Variants in NEXN observed in about 807,000 individuals in gnomAD.
NEXN encodes nexilin.
A neutral mutation model predicts 92.6 loss-of-function variants in NEXN; 65 were observed. That is an observed-to-expected ratio of 0.70 (90% CI 0.57 to 0.86). The LOEUF (loss-of-function observed/expected upper bound fraction) is 0.86. Ranked by LOEUF, NEXN falls within the 40% of genes least tolerant of loss-of-function variation. The pLI is 0.00. For missense variants in NEXN, 778 were observed against 771.1 expected, an observed-to-expected ratio of 1.01 and a Z score of -0.11; for synonymous variants, 254 against 242.5, an observed-to-expected ratio of 1.05 and a Z score of -0.44.
At chr1:77,936,193 A>AGATC in intron 11 of NEXN, 149 bp downstream of exon 11, 1 of 639,250 alleles carries the variant, frequency 1.6e-6, no homozygotes, top group East Asian at 2.8e-5. Context: ...AAACACATGT[A>AGATC]GATCTTAGAC....
chr1:77,938,447 G>C (rs925729979), intron 11 of NEXN, among the ~76,000 whole-genome samples: 1 of 151,922 alleles, frequency 6.6e-6, no homozygotes, highest in Admixed American at 6.6e-5. Flanking sequence ...TCAAGAGATC[G>C]AGACCATCCT....
chr1:77,919,951 G>T (rs1261776406), intron 5 of NEXN, among the ~76,000 whole-genome samples: 1 of 151,486 alleles, frequency 6.6e-6, no homozygotes, highest in African/African-American at 2.4e-5. Flanking sequence ...CCAGGCTGGA[G>T]TGCAGTGGCA....
At chr1:77,938,510 G>A (rs953309242) in intron 11 of NEXN, among the ~76,000 whole-genome samples, 1 of 151,192 alleles carries the variant, frequency 6.6e-6, no homozygotes, top group Non-Finnish European at 1.5e-5. Context: ...TTAGCTGGGC[G>A]TGGTGGCACG....
At chr1:77,938,794 T>C (rs1486354303) in intron 11 of NEXN, among the ~76,000 whole-genome samples, 1 of 152,032 alleles carries the variant, frequency 6.6e-6, no homozygotes, top group African/African-American at 2.4e-5. Context: ...ACATTCCAGA[T>C]AGAGGAGAAG....
Position 77,935,966 on chromosome 1 carries a change from A to C in NEXN, c.1395A>C (p.Lys465Asn). ...IGQLSEKEIQ[K>N]KIEEERARRR... ...AGTTGTCTGAAAAAGAAATACAGAA[A>C]AAAATAGAAGAAGAGCGAGCAAGAA... Residue 465 changes from lysine to asparagine, a missense_variant, in exon 11 of 13, where the codon AAA becomes AAC. Physicochemically the swap from Lys to Asn is moderately conservative, Grantham distance 94. Around this residue, in one of 3 missense-constraint regions of NEXN, gnomAD observed 532 missense variants for 476.7 expected, o/e 1.12. Transcript: ENST00000334785. 1 of 1,614,064 alleles carries C rather than the reference A, an allele frequency of 6.2e-7. No homozygotes were observed. The highest frequency in any genetic ancestry group is 8.5e-7 in the Non-Finnish European group (1 of 1,179,998).
At chr1:77,909,440 A>T (rs111457616) in intron 1 of NEXN, among the ~76,000 whole-genome samples, 4,804 of 152,192 alleles carry the variant, frequency 0.032, 80 homozygotes, top group Middle Eastern at 0.065. Flanking sequence ...ATAAATAAAT[A>T]AATTAATAAA....
At chr1:77,899,221 C>T (rs373367355) in intron 1 of NEXN, among the ~76,000 whole-genome samples, 82 of 151,658 alleles carry the variant, frequency 5.4e-4, no homozygotes, top group African/African-American at 1.5e-3. Context: ...ATGTTTATTG[C>T]GACACTATTC....
At position 77,926,840 on chromosome 1, in the gene NEXN, G is replaced by A; in HGVS notation, c.812G>A (p.Arg271Lys). The change falls in exon 8 of 13, where the codon AGA (arginine) becomes AAA (lysine). Residue 271 changes from arginine to lysine, a missense_variant. By Grantham distance (26) the Arg-to-Lys change is conservative. Around this residue, in one of 3 missense-constraint regions of NEXN, gnomAD observed 532 missense variants for 476.7 expected, o/e 1.12. Transcript: ENST00000334785. ...AAGAAGCAAGCTGAAGAGGAAGCAA[G>A]AAAACGTTTAGAAGAAGAGAAGCGT... Reference protein sequence around the residue: ...NRKKQAEEEARKRLEEEKRAF... With the variant: ...NRKKQAEEEAKKRLEEEKRAF... 1 of 1,613,970 alleles carries A rather than the reference G, an allele frequency of 6.2e-7. No homozygotes were observed. Among genetic ancestry groups the A allele is most frequent in the Non-Finnish European group, 8.5e-7 (1 of 1,179,980 alleles).
Position 77,926,559 on chromosome 1 carries a change from A to T in NEXN, c.635A>T (p.Tyr212Phe). Residue 212 changes from tyrosine (Y) to phenylalanine (F), a missense_variant, in exon 7 of 13, where the codon TAT (tyrosine) becomes TTT (phenylalanine). Coordinates refer to ENST00000334785, the MANE Select transcript of NEXN (RefSeq NM_144573.4). Reference protein sequence around the residue: ...IKYEEDKRIRYEEQRPSLKEA... With the variant: ...IKYEEDKRIRFEEQRPSLKEA... ...TACGAGGAAGATAAAAGAATAAGAT[A>T]TGAAGAACAACGACCATCTCTCAAG... 1 of 1,613,922 alleles carries T rather than the reference A, an allele frequency of 6.2e-7. No individual in the cohort carries two copies. Among genetic ancestry groups the T allele is most frequent in the African/African-American group, 1.3e-5 (1 of 75,050 alleles).
intron 1 of NEXN, among the ~76,000 whole-genome samples, chr1:77,902,336 G>T (rs1446823471): frequency 6.6e-6 from 1 of 151,942 alleles, no homozygotes; most frequent in Non-Finnish European, 1.5e-5. Context: ...AATTTTATTT[G>T]TACATGTAAC....
At chr1:77,934,134 C>T (rs533900375) in intron 10 of NEXN, among the ~76,000 whole-genome samples, 5 of 151,328 alleles carry the variant, frequency 3.3e-5, no homozygotes, top group African/African-American at 1.2e-4. Context: ...CTCAGCCTCC[C>T]GAGTAACTGG....
intron 12 of NEXN, 82 bp downstream of exon 12, chr1:77,942,290 G>A: frequency 6.8e-7 from 1 of 1,464,370 alleles, no homozygotes. Flanking sequence ...TTAAAAAAAT[G>A]TTTTAATGGT....
chr1:77,916,142 CAAAAGT>C lies in NEXN; in HGVS notation c.27+14_27+19del. The C allele has an allele frequency of 6.3e-7, 1 of 1,597,274 alleles. No individual in the cohort carries two copies. The highest frequency in any genetic ancestry group is 8.6e-7 in the Non-Finnish European group (1 of 1,169,360). ...TTTCCCAAAAGGCTGAGGTAAGTCT[CAAAAGT>C]AAAAATAAAAATAAAAGAGGGAAAT... On this transcript the variant is annotated intron_variant, in intron 2 of 12. Transcript: ENST00000334785.
intron 11 of NEXN, among the ~76,000 whole-genome samples, chr1:77,937,487 C>T (rs567266834): frequency 6.6e-6 from 1 of 152,210 alleles, no homozygotes; most frequent in Admixed American, 6.5e-5. Flanking sequence ...GTCAGGAGTT[C>T]AAGACCAGTC....
chr1:77,938,865 G>T lies in NEXN; in HGVS notation c.1473+2821G>T, dbSNP rs536192865. On this transcript the variant is annotated intron_variant, in intron 11 of 12. Coordinates refer to ENST00000334785, the MANE Select transcript of NEXN (RefSeq NM_144573.4). ...CTGGGGAATGGAAAACAGGTTCAAA[G>T]GACAAGGCAAGGTTCACAGAATAAG... is the stretch of plus-strand genomic sequence containing the variant. Among the ~76,000 whole-genome samples the T allele has an allele frequency of 3.3e-5, 5 of 152,272 alleles. No individual in the cohort carries two copies. In the East Asian group the frequency reaches 9.6e-4, roughly 29 times the overall value.
intron 9 of NEXN, among the ~76,000 whole-genome samples, chr1:77,932,885 G>A (rs770197310): frequency 4.6e-5 from 7 of 152,138 alleles, no homozygotes; most frequent in Non-Finnish European, 1.0e-4. Flanking sequence ...AAGAAATCTG[G>A]CCGGGTGCGT....
At chr1:77,916,777 G>C (rs1396841061) in intron 2 of NEXN, among the ~76,000 whole-genome samples, 6 of 152,142 alleles carry the variant, frequency 3.9e-5, no homozygotes, top group Non-Finnish European at 8.8e-5. Flanking sequence ...TTAGAAATCA[G>C]CTTAATTTTC....
intron 1 of NEXN, among the ~76,000 whole-genome samples, chr1:77,898,672 A>T (rs1370831639): frequency 6.6e-6 from 1 of 152,226 alleles, no homozygotes; most frequent in Non-Finnish European, 1.5e-5. Context: ...GAATCTAATT[A>T]AACTAAAGAG....
rs1557981610 is a variant in NEXN, at chr1:77,926,459, T to C, written c.535T>C (p.Tyr179His). The change falls in exon 7 of 13, where the codon TAT becomes CAT. Residue 179 changes from tyrosine (Y) to histidine (H), a missense_variant. Transcript: ENST00000334785. The stretch of plus-strand genomic sequence containing the variant: ...TATAACTGTGGTACCTGTCAAATCA[T>C]ATAAAACATCTGGAAAAATGAAAAA... ...LLITVVPVKS[Y>H]KTSGKMKKNF... is the part of the protein sequence containing the mutation. 1 of 1,608,592 alleles carries C rather than the reference T, an allele frequency of 6.2e-7. No individual in the cohort carries two copies. The highest frequency in any genetic ancestry group is 1.1e-5 in the South Asian group (1 of 89,790).
Sources: gnomAD v4.1 joint callset for allele counts (sites outside exome capture counted in the v4.1 genomes callset) on GRCh38, gnomAD v4.1.1 for gene constraint, gnomAD v4.1.1 regional missense constraint, MANE v1.5 for transcripts, NCBI Gene and HGNC (gene_info 2026-07-23, HGNC 2026-07-21) for gene names.